EPG5: variants seen among roughly 807,000 people sequenced by gnomAD.
The protein encoded by EPG5 is ectopic P granules protein 5 homolog.
EPG5 carries 159 observed loss-of-function variants against 302.7 expected under a neutral mutation model. The ratio of observed to expected loss-of-function variants is 0.53; its 90% CI spans 0.46 to 0.60. The LOEUF (loss-of-function observed/expected upper bound fraction) is 0.60. EPG5 is among the 20% of genes least tolerant of loss of function. The probability of loss-of-function intolerance (pLI) is 0.00; values close to 1 mark genes in which losing one functional copy is unlikely to be tolerated. For missense variants in EPG5, 2,896 were observed against 3,092.4 expected (o/e 0.94, Z 1.51); for synonymous variants, 1,158 against 1,136.8 (o/e 1.02, Z -0.37).
intron 39 of EPG5, among the ~76,000 whole-genome samples, chr18:45,864,493 AC>A (rs2048703072): frequency 6.6e-6 from 1 of 152,174 alleles, no homozygotes; most frequent in Non-Finnish European, 1.5e-5. Flanking sequence ...AATAAAAATA[AC>A]TTTTTTGCTT....
intron 31 of EPG5, among the ~76,000 whole-genome samples, 174 bp from the exon 32 acceptor site, chr18:45,880,397 A>G (rs1371701219): frequency 6.6e-6 from 1 of 152,214 alleles, no homozygotes; most frequent in Non-Finnish European, 1.5e-5. Flanking sequence ...TAAGAGAAGA[A>G]CTGGCCACCT....
chr18:45,872,790 A>G (rs997792918), intron 35 of EPG5, among the ~76,000 whole-genome samples: 1 of 152,222 alleles, frequency 6.6e-6, no homozygotes, highest in African/African-American at 2.4e-5. Context: ...ACAACCCGGC[A>G]TGGAACAGGA....
chr18:45,851,719 C>G lies in EPG5; in HGVS notation c.*748G>C, dbSNP rs181550369. 21 of 152,322 alleles carry G rather than the reference C, an allele frequency of 1.4e-4. No homozygotes were observed. The highest frequency in any genetic ancestry group is 4.6e-4 in the African/African-American group (19 of 41,548). 9.4% of individuals were successfully genotyped at this position (152,322 alleles called of 1,614,324 possible). On this transcript the variant is annotated 3_prime_UTR_variant, in exon 44 of 44. Coordinates refer to ENST00000282041, the MANE Select transcript of EPG5 (RefSeq NM_020964.3). The stretch of plus-strand genomic sequence containing the variant: ...GACTCTCCCGACTAGAGAGAGGCAG[C>G]CCTGTCTGCACTCCTCACCAAGTGG...
intron 27 of EPG5, among the ~76,000 whole-genome samples, chr18:45,898,139 T>A (rs1251006471): frequency 3.9e-5 from 6 of 152,174 alleles, no homozygotes; most frequent in Admixed American, 6.5e-5. Context: ...ACAGGCAGAT[T>A]GCTTGAGCCC....
At chr18:45,838,722 G>A in the EPG5 span, 1 of 1,574,312 alleles carries the variant, frequency 6.4e-7, no homozygotes, top group Non-Finnish European at 8.6e-7. Context: ...CTGCAGCCGC[G>A]CCGCGGATCG....
intron 1 of EPG5, among the ~76,000 whole-genome samples, chr18:45,966,439 T>C (rs1295386209): frequency 6.6e-6 from 1 of 151,986 alleles, no homozygotes; most frequent in African/African-American, 2.4e-5. Flanking sequence ...TATGTACGTA[T>C]ATATGTATAT....
chr18:45,946,798 CTTAGAT>C, intron 6 of EPG5, 30 bp from the exon 7 acceptor site: 1 of 1,575,486 alleles, frequency 6.3e-7, no homozygotes, highest in Non-Finnish European at 8.7e-7. Flanking sequence ...ACTCCCATCA[CTTAGAT>C]GTAGGCTACG....
rs545193456 is a variant in EPG5 at position 45,867,020 on chromosome 18, C to T, written c.6412-13G>A. 2.5e-6 allele frequency: 4 copies of T among 1,606,622 alleles called. No homozygotes were observed. Among genetic ancestry groups the T allele is most frequent in the East Asian group, 2.2e-5 (1 of 44,828 alleles). On this transcript the variant is annotated splice_polypyrimidine_tract_variant and intron_variant, in intron 37 of 43. Coordinates refer to ENST00000282041, the MANE Select transcript of EPG5 (RefSeq NM_020964.3). Reference sequence around the variant, plus strand: ...GTAAAGGTGAATCCTAAAAATAAAACACATATTCCTTTAGTTCCAGAGCCC... The same window carrying T: ...GTAAAGGTGAATCCTAAAAATAAAATACATATTCCTTTAGTTCCAGAGCCC...
the EPG5 span, among the ~76,000 whole-genome samples, chr18:45,823,491 C>T: frequency 6.6e-6 from 1 of 152,108 alleles, no homozygotes; most frequent in Middle Eastern, 3.2e-3. Context: ...TTCCTTAACC[C>T]TAATATGCAA....
At position 45,946,663 on chromosome 18, in the gene EPG5, C is replaced by G. The variant is rs767006850; in HGVS notation, c.1677G>C (p.Glu559Asp). The change falls in exon 7 of 44, where the codon GAG becomes GAC. Residue 559 changes from glutamate to aspartate, a missense_variant and splice_region_variant. Coordinates refer to ENST00000282041, the MANE Select transcript of EPG5 (RefSeq NM_020964.3). The stretch of plus-strand genomic sequence containing the variant: ...AAATAATGCAGATATGACAAGTTAC[C>G]TCTTCTCCTCCTTCGTCTACTAGCG... ...TWTLVDEGGE[E>D]DEDPETSWIL... 1.9e-6 allele frequency: 3 copies of G among 1,611,422 alleles called. No homozygotes were observed. The South Asian group carries it at 3.3e-5, about 18-fold the overall frequency.
At chr18:45,952,371 CAAGA>C (rs756262625) in intron 3 of EPG5, 25 bp downstream of exon 3, 1 of 1,608,402 alleles carries the variant, frequency 6.2e-7, no homozygotes, top group South Asian at 1.1e-5. Context: ...CTTCAAAACA[CAAGA>C]AAGAGAGCTT....
At chr18:45,896,307 A>T (rs1272938833) in intron 27 of EPG5, among the ~76,000 whole-genome samples, 1 of 152,334 alleles carries the variant, frequency 6.6e-6, no homozygotes, top group East Asian at 1.9e-4. Flanking sequence ...TCAGTGAGGG[A>T]TCTCAAGCTT....
the EPG5 span, among the ~76,000 whole-genome samples, chr18:45,810,020 T>C: frequency 0.03 from 4,614 of 151,926 alleles, 214 homozygotes; most frequent in African/African-American, 0.11. Context: ...CAATAAGAAA[T>C]GAAATGGGAG....
chr18:45,910,997 T>C (rs570147919), intron 22 of EPG5, among the ~76,000 whole-genome samples: 1 of 151,988 alleles, frequency 6.6e-6, no homozygotes, highest in East Asian at 1.9e-4. Context: ...ATAAAGATGG[T>C]TTCTATTCTT....
At chr18:45,806,970 C>T in the EPG5 span, among the ~76,000 whole-genome samples, 1 of 152,130 alleles carries the variant, frequency 6.6e-6, no homozygotes. Flanking sequence ...TATCGTGCGG[C>T]AAGTTCTCAG....
intron 13 of EPG5, 61 bp from the exon 14 acceptor site, chr18:45,925,963 C>A: frequency 9.7e-7 from 1 of 1,032,534 alleles, no homozygotes; most frequent in Non-Finnish European, 1.3e-6. Context: ...TATATTACTA[C>A]AATATTATAT....
chr18:45,860,990 T>C (rs530000505), intron 39 of EPG5, among the ~76,000 whole-genome samples: 2 of 152,332 alleles, frequency 1.3e-5, no homozygotes, highest in Non-Finnish European at 2.9e-5. Flanking sequence ...ACTGCAAATC[T>C]TCACATTCAA....
At chr18:45,953,337 A>G (rs753199762) in intron 2 of EPG5, 3 of 985,310 alleles carry the variant, frequency 3.0e-6, no homozygotes, top group Non-Finnish European at 3.6e-6. Flanking sequence ...TACCCTCATC[A>G]TTCTTCATAG....
Position 45,868,098 on chromosome 18 carries a change from G to A in EPG5, c.6226-350C>T, listed in dbSNP as rs565322368. ...CAGAATCCTCAGGTGTGCCAGGACA[G>A]GGCAAAGTTGAAATTTACTAGTCAG... On this transcript the variant is annotated intron_variant, in intron 36 of 43. Coordinates refer to ENST00000282041, the MANE Select transcript of EPG5 (RefSeq NM_020964.3). 7.8e-5 allele frequency: 36 copies of A among 464,372 alleles called. 1 individual carries two copies. In the East Asian group the frequency reaches 2.4e-3, roughly 30 times the overall value. The allele number at this position is 464,372 out of a possible 1,614,324, so 28.8% of individuals were successfully genotyped here.
Sources: gnomAD v4.1 joint callset for allele counts (sites outside exome capture counted in the v4.1 genomes callset) on GRCh38, gnomAD v4.1.1 for gene constraint, MANE v1.5 for transcripts, NCBI Gene and HGNC (gene_info 2026-07-23, HGNC 2026-07-21) for gene names.